The following GRIK3 variants were observed in gnomAD, a reference collection of about 807,000 sequenced individuals.
The protein encoded by GRIK3 is glutamate ionotropic receptor kainate type subunit 3.
In GRIK3, 29 loss-of-function variants were observed where a neutral mutation model predicts 102.5. The ratio of observed to expected loss-of-function variants is 0.28; its 90% confidence interval spans 0.21 to 0.39. The LOEUF (loss-of-function observed/expected upper bound fraction) is 0.39. Ranked by LOEUF, GRIK3 falls within the 10% of genes least tolerant of loss-of-function variation. The pLI is 1.00. For missense variants in GRIK3, 908 were observed against 1,252.4 expected (o/e 0.73, Z 4.15); for synonymous variants, 511 against 504.9 (o/e 1.01, Z -0.16).
At chr1:36,948,030 A>G (rs575412719) in intron 1 of GRIK3, among the ~76,000 whole-genome samples, 1 of 152,136 alleles carries the variant, frequency 6.6e-6, no homozygotes, top group Non-Finnish European at 1.5e-5. Context: ...TGCCTCAGTC[A>G]TAAGTTATTT....
chr1:36,826,540 TG>T (rs1642756759), intron 10 of GRIK3, among the ~76,000 whole-genome samples: 1 of 152,216 alleles, frequency 6.6e-6, no homozygotes, highest in African/African-American at 2.4e-5. Context: ...CAGTGGCACG[TG>T]CCTGTAGTCC....
At chr1:36,913,112 G>A (rs1641363814) in intron 1 of GRIK3, among the ~76,000 whole-genome samples, 1 of 152,208 alleles carries the variant, frequency 6.6e-6, no homozygotes, top group Admixed American at 6.5e-5. Context: ...TAGGGGCCAT[G>A]TGCCTGGCAT....
At chr1:36,910,917 G>A (rs184957158) in intron 1 of GRIK3, among the ~76,000 whole-genome samples, 31 of 152,332 alleles carry the variant, frequency 2.0e-4, no homozygotes, top group Admixed American at 3.9e-4. Context: ...TCAAAACGCT[G>A]TCAAGGTGAG....
chr1:37,013,088 A>C (rs558383012), intron 1 of GRIK3, among the ~76,000 whole-genome samples: 1 of 152,342 alleles, frequency 6.6e-6, no homozygotes, highest in Admixed American at 6.5e-5. Context: ...ATCATGGCAG[A>C]AGGTAAAAGG....
At chr1:36,840,144 T>C (rs61769806) in intron 10 of GRIK3, among the ~76,000 whole-genome samples, 27,845 of 151,926 alleles carry the variant, frequency 0.18, 2,946 homozygotes, top group African/African-American at 0.29. Flanking sequence ...CTTCATCTCT[T>C]TCTGCCTCAG....
At chr1:37,024,742 C>CAAAAAAAAAA (rs11314211) in intron 1 of GRIK3, among the ~76,000 whole-genome samples, 1 of 71,044 alleles carries the variant, frequency 1.4e-5, no homozygotes. Context: ...GACTCCATCT[C>CAAAAAAAAAA]AAAAAAAAAA....
At chr1:36,972,530 C>A (rs1040023708) in intron 1 of GRIK3, among the ~76,000 whole-genome samples, 43 of 152,246 alleles carry the variant, frequency 2.8e-4, no homozygotes, top group African/African-American at 1.0e-3. Flanking sequence ...AACAAGGGCT[C>A]CCACAACCTC....
rs375418924 is a variant in GRIK3 at position 36,908,361 on chromosome 1, A to G, written c.116-17265T>C. Reference sequence around the variant, plus strand: ...GGACCTCATTAACTGCTAAATGGCCAAGGTTCTCCACTACCCTCTCCCTCC... The same window carrying G: ...GGACCTCATTAACTGCTAAATGGCCGAGGTTCTCCACTACCCTCTCCCTCC... On this transcript the variant is annotated intron_variant, in intron 1 of 15. Coordinates refer to ENST00000373091, the MANE Select transcript of GRIK3 (RefSeq NM_000831.4). Among the ~76,000 whole-genome samples the G allele has an allele frequency of 7.4e-4, 112 of 152,274 alleles. 2 individuals carry two copies. In the South Asian group the frequency reaches 8.9e-3, roughly 12 times the overall value.
At chr1:36,939,821 G>A (rs910091202) in intron 1 of GRIK3, among the ~76,000 whole-genome samples, 6 of 152,154 alleles carry the variant, frequency 3.9e-5, no homozygotes, top group East Asian at 1.9e-4. Context: ...ATCAGAGGGG[G>A]ACCCTTGTTC....
At chr1:36,817,952 A>C (rs538012100) in intron 12 of GRIK3, among the ~76,000 whole-genome samples, 52 of 152,372 alleles carry the variant, frequency 3.4e-4, no homozygotes, top group Non-Finnish European at 7.3e-4. Flanking sequence ...CTTTGCCGAA[A>C]TATATGACTT....
intron 1 of GRIK3, among the ~76,000 whole-genome samples, chr1:36,955,210 A>G (rs16823713): frequency 0.032 from 4,807 of 152,262 alleles, 129 homozygotes; most frequent in East Asian, 0.082. Context: ...GCCCTAAATA[A>G]GTGACAGCCC....
intron 5 of GRIK3, among the ~76,000 whole-genome samples, chr1:36,860,944 T>A (rs1426648222): frequency 1.3e-5 from 2 of 152,196 alleles, no homozygotes; most frequent in Non-Finnish European, 2.9e-5. Context: ...TGCACCTGGG[T>A]TTGACTTCAT....
intron 1 of GRIK3, among the ~76,000 whole-genome samples, chr1:36,978,688 G>A (rs542285740): frequency 2.0e-5 from 3 of 152,324 alleles, no homozygotes; most frequent in East Asian, 1.9e-4. Context: ...GGCAAGGAGG[G>A]TGACTTGGCC....
At chr1:36,922,564 G>T (rs553765588) in intron 1 of GRIK3, among the ~76,000 whole-genome samples, 8 of 152,300 alleles carry the variant, frequency 5.3e-5, no homozygotes, top group Non-Finnish European at 1.0e-4. Context: ...CTCCCCCAAG[G>T]TGATCCAGAT....
rs532028062 is a variant in GRIK3 at position 36,796,633 on chromosome 1, C to G, written c.*5218G>C. ...TAACAGGGGCATGGGAACACTGTAT[C>G]GGCATGCTGGCCATGCCCTGGGGGC... On this transcript the variant is annotated 3_prime_UTR_variant, in exon 16 of 16. Transcript: ENST00000373091. The G allele has an allele frequency of 2.6e-5, 4 of 152,356 alleles. No individual in the cohort carries two copies. Among genetic ancestry groups the G allele is most frequent in the Admixed American group, 2.0e-4 (3 of 15,300 alleles). 9.4% of individuals were successfully genotyped at this position (152,356 alleles called of 1,614,324 possible).
At chr1:36,832,261 T>C (rs1257165980) in intron 10 of GRIK3, among the ~76,000 whole-genome samples, 1 of 152,230 alleles carries the variant, frequency 6.6e-6, no homozygotes, top group African/African-American at 2.4e-5. Flanking sequence ...GCACAGTGTC[T>C]GGCACATAGT....
At chr1:36,937,088 C>T (rs1641667904) in intron 1 of GRIK3, among the ~76,000 whole-genome samples, 2 of 152,098 alleles carry the variant, frequency 1.3e-5, no homozygotes, top group South Asian at 4.2e-4. Context: ...AAGACAGGGC[C>T]CTTCAAATTG....
intron 1 of GRIK3, 112 bp from the exon 2 acceptor site, chr1:36,891,208 A>G: frequency 2.7e-6 from 2 of 750,988 alleles, no homozygotes; most frequent in Admixed American, 2.3e-5. Flanking sequence ...GAAATGTTCA[A>G]TAATATCCTA....
intron 1 of GRIK3, among the ~76,000 whole-genome samples, chr1:36,925,784 G>A (rs569016615): frequency 6.6e-6 from 1 of 152,226 alleles, no homozygotes; most frequent in Non-Finnish European, 1.5e-5. Flanking sequence ...CATCCTTGGG[G>A]AGGCAAGGGT....
Sources: allele counts gnomAD v4.1 joint callset (sites outside exome capture counted in the v4.1 genomes callset), GRCh38; gene constraint gnomAD v4.1.1; transcripts MANE v1.5; gene names NCBI Gene and HGNC (gene_info 2026-07-23, HGNC 2026-07-21).